The following GULP1 variants were observed in gnomAD, a reference collection of about 807,000 sequenced individuals.
GULP1 encodes GULP PTB domain containing engulfment adaptor 1.
In GULP1, 19 loss-of-function variants were observed where a neutral mutation model predicts 40.9. The ratio of observed to expected loss-of-function variants is 0.46; its 90% confidence interval spans 0.32 to 0.68. The LOEUF (loss-of-function observed/expected upper bound fraction) is 0.68. GULP1 is among the 30% of genes least tolerant of loss of function. GULP1 has a pLI of 0.03. For synonymous variants in GULP1, 119 were observed against 117.6 expected (o/e 1.01, Z -0.08); for missense variants, 312 against 362.2 (o/e 0.86, Z 1.12).
At chr2:188,515,502 A>G (rs1474052942) in intron 4 of GULP1, among the ~76,000 whole-genome samples, 1 of 152,136 alleles carries the variant, frequency 6.6e-6, no homozygotes, top group Non-Finnish European at 1.5e-5. Context: ...CGTCAGAGTC[A>G]TGTTAACCTT....
Position 188,419,557 on chromosome 2 carries a change from T to G in GULP1, c.-45+35668T>G, listed in dbSNP as rs563834037. 1.2e-3 allele frequency among the ~76,000 whole-genome samples: 171 copies of G among 145,084 alleles called. 1 individual carries two copies. The highest frequency in any genetic ancestry group is 4.1e-3 in the African/African-American group (162 of 39,170). Reference sequence around the variant, plus strand: ...CCATTTTTTAATTGGGCCATTTGTGTTTTTTTTTTTAATATTGAGTTATAG... The same window carrying G: ...CCATTTTTTAATTGGGCCATTTGTGGTTTTTTTTTTAATATTGAGTTATAG... On this transcript the variant is annotated intron_variant, in intron 2 of 11. Coordinates refer to ENST00000409830, the MANE Select transcript of GULP1 (RefSeq NM_016315.4).
chr2:188,479,335 A>G (rs2061272514), intron 3 of GULP1, among the ~76,000 whole-genome samples: 1 of 152,150 alleles, frequency 6.6e-6, no homozygotes, highest in South Asian at 2.1e-4. Context: ...GACATTGATT[A>G]TAGTCTGTAG....
intron 1 of GULP1, among the ~76,000 whole-genome samples, chr2:188,343,258 A>C (rs2043198126): frequency 6.6e-6 from 1 of 152,230 alleles, no homozygotes; most frequent in South Asian, 2.1e-4. Context: ...TCATGAAGAA[A>C]TGTGGACAGC....
chr2:188,478,949 T>C (rs2061242771), intron 3 of GULP1, among the ~76,000 whole-genome samples: 1 of 152,144 alleles, frequency 6.6e-6, no homozygotes. Context: ...TTCAGGACTT[T>C]CAGCCATGTA....
chr2:188,517,425 A>G (rs2065280540), intron 4 of GULP1, among the ~76,000 whole-genome samples: 1 of 152,112 alleles, frequency 6.6e-6, no homozygotes, highest in Non-Finnish European at 1.5e-5. Flanking sequence ...TATGAATGCA[A>G]TATATCTATA....
intron 1 of GULP1, among the ~76,000 whole-genome samples, chr2:188,364,928 GTATA>G (rs34653781): frequency 6.7e-6 from 1 of 148,480 alleles, no homozygotes; most frequent in Non-Finnish European, 1.5e-5. Context: ...ATATATATGT[GTATA>G]TATATATATA....
intron 2 of GULP1, among the ~76,000 whole-genome samples, chr2:188,415,421 G>A (rs950056947): frequency 4.6e-5 from 7 of 151,946 alleles, no homozygotes; most frequent in Admixed American, 3.9e-4. Context: ...ATACTGAAAA[G>A]TTTAATGGTA....
intron 6 of GULP1, among the ~76,000 whole-genome samples, chr2:188,539,538 G>C (rs1689881428): frequency 6.6e-6 from 1 of 152,080 alleles, no homozygotes; most frequent in East Asian, 1.9e-4. Context: ...AGTAAGTCAA[G>C]CACCTCTTCT....
At chr2:188,398,413 T>C (rs991331244) in intron 2 of GULP1, among the ~76,000 whole-genome samples, 1 of 152,240 alleles carries the variant, frequency 6.6e-6, no homozygotes, top group Non-Finnish European at 1.5e-5. Context: ...AGAGTGTCTG[T>C]TTAGTACATC....
chr2:188,538,250 T>G (rs1172289383), intron 6 of GULP1, among the ~76,000 whole-genome samples: 1 of 152,136 alleles, frequency 6.6e-6, no homozygotes, highest in African/African-American at 2.4e-5. Context: ...TTTGTTCTTC[T>G]AGTTCCTCTA....
chr2:188,383,218 T>C (rs1411182344), intron 1 of GULP1, among the ~76,000 whole-genome samples: 3 of 152,218 alleles, frequency 2.0e-5, no homozygotes, highest in Non-Finnish European at 2.9e-5. Flanking sequence ...GTTTTGTTTG[T>C]TGGAATAAAA....
intron 8 of GULP1, 160 bp downstream of exon 8, chr2:188,569,515 C>A: frequency 1.6e-6 from 1 of 623,990 alleles, no homozygotes. Flanking sequence ...TTCCTGATCC[C>A]CTGCACAGTT....
chr2:188,563,253 T>C (rs1035785622), intron 7 of GULP1, among the ~76,000 whole-genome samples: 2 of 151,840 alleles, frequency 1.3e-5, no homozygotes, highest in Non-Finnish European at 2.9e-5. Flanking sequence ...AAATTAGCAA[T>C]CTCTAAAAAC....
intron 2 of GULP1, among the ~76,000 whole-genome samples, chr2:188,446,509 T>C (rs1308184333): frequency 6.6e-6 from 1 of 152,172 alleles, no homozygotes; most frequent in Non-Finnish European, 1.5e-5. Context: ...TAGGGCACAA[T>C]TCTAACTTCT....
At chr2:188,516,007 A>C (rs1030014758) in intron 4 of GULP1, among the ~76,000 whole-genome samples, 4 of 152,140 alleles carry the variant, frequency 2.6e-5, no homozygotes, top group Admixed American at 6.5e-5. Flanking sequence ...AGCCTCACTC[A>C]CTGAAGCAAC....
chr2:188,490,836 C>G (rs1443304991), intron 4 of GULP1, among the ~76,000 whole-genome samples: 3 of 152,026 alleles, frequency 2.0e-5, no homozygotes, highest in Admixed American at 2.0e-4. Flanking sequence ...GAGGGTCTTA[C>G]TGTGTCACCC....
intron 2 of GULP1, among the ~76,000 whole-genome samples, chr2:188,434,043 TG>T (rs1228849433): frequency 2.6e-5 from 4 of 152,016 alleles, no homozygotes; most frequent in African/African-American, 4.8e-5. Context: ...CTTATGTCAT[TG>T]TTTTTTTCAG....
At chr2:188,477,548 T>A (rs996772389) in intron 2 of GULP1, 111 bp from the exon 3 acceptor site, 1 of 574,522 alleles carries the variant, frequency 1.7e-6, no homozygotes, top group Non-Finnish European at 3.0e-6. Flanking sequence ...GAATATTGTT[T>A]GTAAATATTT....
At chr2:188,421,808 G>A (rs2055456880) in intron 2 of GULP1, among the ~76,000 whole-genome samples, 1 of 152,146 alleles carries the variant, frequency 6.6e-6, no homozygotes, top group South Asian at 2.1e-4. Context: ...CTGAAGAATA[G>A]ATGTATGAAG....
Sources: allele counts gnomAD v4.1 joint callset (sites outside exome capture counted in the v4.1 genomes callset), GRCh38; gene constraint gnomAD v4.1.1; transcripts MANE v1.5; gene names NCBI Gene and HGNC (gene_info 2026-07-23, HGNC 2026-07-21).